The following WDR59 variants were observed in gnomAD, a reference collection of about 807,000 sequenced individuals.
WDR59 encodes the protein WD repeat domain 59.
WDR59 carries 100 observed loss-of-function variants against 131.2 expected under a neutral mutation model. That is an observed-to-expected ratio of 0.76 (90% CI 0.65 to 0.90). The LOEUF is 0.90. WDR59 is among the 40% of genes least tolerant of loss of function. The pLI is 0.00. For missense variants in WDR59, 1,203 were observed against 1,262.2 expected (o/e 0.95, Z 0.71); for synonymous variants, 601 against 466.2 (o/e 1.29, Z -3.72).
rs756425507 is a variant in WDR59 at position 74,888,140 on chromosome 16, C to G, written c.2346+29G>C. The G allele has an allele frequency of 2.1e-6, 3 of 1,435,550 alleles. No individual in the cohort carries two copies. The South Asian group carries it at 4.2e-5, about 20-fold the overall frequency. The allele number at this position is 1,435,550 out of a possible 1,614,324, so 88.9% of individuals were successfully genotyped here. On this transcript the variant is annotated intron_variant, in intron 22 of 25. Transcript: ENST00000262144. ...CTCAAAAAAAAAAAAAAAAAAAAATCAGACAAAACCAGAAAAGGACAAACT... is the reference window on the plus strand; with the variant it reads ...CTCAAAAAAAAAAAAAAAAAAAAATGAGACAAAACCAGAAAAGGACAAACT...
At chr16:74,881,462 G>A (rs894805163) in intron 25 of WDR59, among the ~76,000 whole-genome samples, 3 of 152,030 alleles carry the variant, frequency 2.0e-5, no homozygotes, top group Non-Finnish European at 2.9e-5. Flanking sequence ...AAAGTGTTGG[G>A]ATTACAGGTG....
chr16:74,976,227 T>C, intron 1 of WDR59, among the ~76,000 whole-genome samples: 1 of 152,032 alleles, frequency 6.6e-6, no homozygotes, highest in East Asian at 1.9e-4. Flanking sequence ...TGTGCTTTTT[T>C]ATTTTAGTTT....
At chr16:74,914,991 T>G (rs765767740) in intron 13 of WDR59, among the ~76,000 whole-genome samples, 1 of 152,196 alleles carries the variant, frequency 6.6e-6, no homozygotes, top group Non-Finnish European at 1.5e-5. Context: ...TCTGGAGAGA[T>G]ACTCAATTTT....
In WDR59 at chr16:74,978,156, C is replaced by A. The variant is rs145105816; in HGVS notation, c.54+6808G>T. Among the ~76,000 whole-genome samples the A allele has an allele frequency of 9.9e-3, 1,506 of 152,146 alleles. 11 individuals carry two copies. The highest frequency in any genetic ancestry group is 0.014 in the Non-Finnish European group (931 of 67,998). ...GGATCGTGAGGTCAGGAGTTCAAGACCAGCCTGGCAAAGATGGTTAGCCAG... is the reference window on the plus strand; with the variant it reads ...GGATCGTGAGGTCAGGAGTTCAAGAACAGCCTGGCAAAGATGGTTAGCCAG... On this transcript the variant is annotated intron_variant, in intron 1 of 25. Transcript: ENST00000262144.
At chr16:74,977,932 G>C (rs2034252218) in intron 1 of WDR59, among the ~76,000 whole-genome samples, 1 of 152,188 alleles carries the variant, frequency 6.6e-6, no homozygotes, top group Non-Finnish European at 1.5e-5. Context: ...ACGCCAGGTA[G>C]GGTGGTGGCT....
chr16:74,980,351 TAA>T (rs1162732048), intron 1 of WDR59, among the ~76,000 whole-genome samples: 3 of 150,932 alleles, frequency 2.0e-5, no homozygotes, highest in Admixed American at 6.7e-5. Flanking sequence ...CTGAAAAATC[TAA>T]GTCTTTTTTT....
At chr16:74,936,146 T>C (rs745600866) in intron 8 of WDR59, among the ~76,000 whole-genome samples, 34 of 152,074 alleles carry the variant, frequency 2.2e-4, no homozygotes, top group Non-Finnish European at 4.1e-4. Context: ...CCTCCCAAAG[T>C]GCTGGGATTA....
At chr16:74,940,448 G>T (rs924353457) in intron 7 of WDR59, among the ~76,000 whole-genome samples, 1 of 151,176 alleles carries the variant, frequency 6.6e-6, no homozygotes, top group African/African-American at 2.4e-5. Context: ...ATTATAAAGA[G>T]ATATTAATCA....
intron 7 of WDR59, among the ~76,000 whole-genome samples, chr16:74,941,939 C>T (rs75086826): frequency 0.016 from 2,477 of 152,228 alleles, 75 homozygotes; most frequent in African/African-American, 0.056. Flanking sequence ...AAGCCATCCC[C>T]ACAATGCCTG....
At chr16:74,946,839 G>C (rs552521898) in intron 6 of WDR59, among the ~76,000 whole-genome samples, 30 of 152,296 alleles carry the variant, frequency 2.0e-4, no homozygotes, top group Admixed American at 7.8e-4. Flanking sequence ...GGGGTACAGA[G>C]GGAAAAAGTA....
At chr16:74,922,276 T>C (rs1177577187) in intron 9 of WDR59, among the ~76,000 whole-genome samples, 173 bp from the exon 10 acceptor site, 1 of 152,208 alleles carries the variant, frequency 6.6e-6, no homozygotes, top group Non-Finnish European at 1.5e-5. Flanking sequence ...CGCGTCTACT[T>C]TTCTCTTTGC....
At chr16:74,889,864 C>T (rs972604289) in intron 20 of WDR59, 49 bp from the exon 21 acceptor site, 13 of 1,459,318 alleles carry the variant, frequency 8.9e-6, no homozygotes, top group Non-Finnish European at 9.5e-7. Flanking sequence ...AGGACAAGAA[C>T]CGAAACCATG....
chr16:74,978,623 CA>C (rs1221253830), intron 1 of WDR59, among the ~76,000 whole-genome samples: 2 of 152,208 alleles, frequency 1.3e-5, no homozygotes, highest in African/African-American at 4.8e-5. Context: ...ATTGAGTACA[CA>C]GGGGGACCAA....
chr16:74,967,576 C>T (rs116115344), intron 1 of WDR59, among the ~76,000 whole-genome samples: 1 of 152,166 alleles, frequency 6.6e-6, no homozygotes, highest in South Asian at 2.1e-4. Flanking sequence ...AGATAGAACT[C>T]GGCTGGGCGC....
At chr16:74,936,371 C>T (rs1266938246) in intron 8 of WDR59, among the ~76,000 whole-genome samples, 3 of 152,014 alleles carry the variant, frequency 2.0e-5, no homozygotes, top group African/African-American at 7.2e-5. Flanking sequence ...AGGAAACTGG[C>T]TGTTACCTGC....
Position 74,912,075 on chromosome 16 carries a change from C to A in WDR59, c.1389+123G>T. On this transcript the variant is annotated intron_variant, in intron 14 of 25. Transcript: ENST00000262144. ...AAGTTCAGAGGTTACGTTGCTAATA[C>A]TAGTGTGTGTACGAAACAGATGACT... 3 of 1,311,800 alleles carry A rather than the reference C, an allele frequency of 2.3e-6. No individual in the cohort carries two copies. The South Asian group carries it at 3.9e-5, about 17-fold the overall frequency. The allele number at this position is 1,311,800 out of a possible 1,614,324, so 81.3% of individuals were successfully genotyped here. A position where few individuals can be genotyped will look rare whatever the true frequency, so the allele number is the denominator to read the frequency against.
chr16:74,976,980 C>T (rs975698947), intron 1 of WDR59, among the ~76,000 whole-genome samples: 2 of 151,902 alleles, frequency 1.3e-5, no homozygotes, highest in Non-Finnish European at 2.9e-5. Context: ...CCAGCCTGGG[C>T]GACATTGCGA....
intron 1 of WDR59, among the ~76,000 whole-genome samples, chr16:74,976,947 C>A (rs1019252401): frequency 2.0e-5 from 3 of 152,072 alleles, no homozygotes; most frequent in Non-Finnish European, 4.4e-5. Flanking sequence ...GCAGAGGTTG[C>A]ACTGATTCAA....
At chr16:74,919,867 GATGA>G (rs2144991011) in intron 10 of WDR59, among the ~76,000 whole-genome samples, 1 of 152,096 alleles carries the variant, frequency 6.6e-6, no homozygotes, top group South Asian at 2.1e-4. Context: ...AATAAAAATT[GATGA>G]CTACCAGCCT....
Sources: allele counts gnomAD v4.1 joint callset (sites outside exome capture counted in the v4.1 genomes callset), GRCh38; gene constraint gnomAD v4.1.1; transcripts MANE v1.5; gene names NCBI Gene and HGNC (gene_info 2026-07-23, HGNC 2026-07-21).